The following RAPGEF6 variants were observed in gnomAD, a reference collection of about 807,000 sequenced individuals.
The protein encoded by RAPGEF6 is Rap guanine nucleotide exchange factor 6.
RAPGEF6 carries 56 observed loss-of-function variants against 171.4 expected under a neutral mutation model. That is an observed-to-expected ratio of 0.33 (90% CI 0.26 to 0.41). The LOEUF (loss-of-function observed/expected upper bound fraction) is 0.41. Ranked by LOEUF, RAPGEF6 falls within the 10% of genes least tolerant of loss-of-function variation. RAPGEF6 has a pLI of 1.00. For missense variants in RAPGEF6, 1,674 were observed against 1,921.4 expected (o/e 0.87, Z 2.41); for synonymous variants, 692 against 650.1 (o/e 1.06, Z -0.98).
At chr5:131,533,248 T>A (rs982399681) in intron 6 of RAPGEF6, among the ~76,000 whole-genome samples, 1 of 151,362 alleles carries the variant, frequency 6.6e-6, no homozygotes, top group Non-Finnish European at 1.5e-5. Context: ...GTCAGCAAGC[T>A]AAATTCTTTA....
In RAPGEF6 at chr5:131,426,058, G is replaced by A. The variant is rs993995208; in HGVS notation, c.*1208C>T. Reference sequence around the variant, plus strand: ...ACAGTCACTGAAATTTTAATTAAGAGTGCCATACCCATGAGGCTGGAAAAG... The same window carrying A: ...ACAGTCACTGAAATTTTAATTAAGAATGCCATACCCATGAGGCTGGAAAAG... On this transcript the variant is annotated 3_prime_UTR_variant, in exon 28 of 28. Transcript: ENST00000509018. 2 of 152,024 alleles carry A rather than the reference G, an allele frequency of 1.3e-5. No homozygotes were observed. Among genetic ancestry groups the A allele is most frequent in the African/African-American group, 2.4e-5 (1 of 41,342 alleles). The allele number at this position is 152,024 out of a possible 1,614,324, so 9.4% of individuals were successfully genotyped here.
At chr5:131,430,802 T>C in intron 26 of RAPGEF6, 57 bp downstream of exon 26, 1 of 1,579,526 alleles carries the variant, frequency 6.3e-7, no homozygotes, top group Non-Finnish European at 8.6e-7. Context: ...GATATCCCAA[T>C]GCCATTTTTT....
At chr5:131,441,975 A>G (rs978291574) in intron 23 of RAPGEF6, among the ~76,000 whole-genome samples, 2 of 152,254 alleles carry the variant, frequency 1.3e-5, no homozygotes, top group African/African-American at 4.8e-5. Context: ...TTTAAAGACA[A>G]AAAACAACGT....
In RAPGEF6 at chr5:131,445,493, C is replaced by G. The variant is rs183088853; in HGVS notation, c.3421+990G>C. Among the ~76,000 whole-genome samples the G allele has an allele frequency of 2.2e-3, 324 of 147,332 alleles. 3 individuals are homozygous for G. Among genetic ancestry groups the G allele is most frequent in the East Asian group, 0.015 (76 of 4,994 alleles). On this transcript the variant is annotated intron_variant, in intron 22 of 27. Coordinates refer to ENST00000509018, the MANE Select transcript of RAPGEF6 (RefSeq NM_016340.6). ...TTTATGGGCAAATTTAACTCACTCT[C>G]TGTGTGTGTGTGTGTGTGTGTGTGT...
At chr5:131,553,089 G>A (rs1761022130) in intron 5 of RAPGEF6, among the ~76,000 whole-genome samples, 1 of 152,126 alleles carries the variant, frequency 6.6e-6, no homozygotes, top group Non-Finnish European at 1.5e-5. Flanking sequence ...CCAACTGCCA[G>A]GCTAGCAAAC....
At chr5:131,563,170 A>G (rs1318133243) in intron 4 of RAPGEF6, among the ~76,000 whole-genome samples, 2 of 152,152 alleles carry the variant, frequency 1.3e-5, no homozygotes, top group Admixed American at 1.3e-4. Context: ...GTATTATCAT[A>G]TATGAAAATT....
intron 17 of RAPGEF6, among the ~76,000 whole-genome samples, chr5:131,469,411 TAAATC>T (rs1754595445): frequency 6.6e-6 from 1 of 152,092 alleles, no homozygotes; most frequent in Non-Finnish European, 1.5e-5. Context: ...CTATATGAAA[TAAATC>T]AATTAAGGGT....
intron 1 of RAPGEF6, among the ~76,000 whole-genome samples, chr5:131,606,486 A>G (rs2150018820): frequency 1.3e-5 from 2 of 152,330 alleles, no homozygotes; most frequent in Middle Eastern, 6.8e-3. Context: ...ACAGTGAAAA[A>G]GATATTTAAG....
chr5:131,506,650 T>G (rs1222494519), intron 9 of RAPGEF6, among the ~76,000 whole-genome samples: 1 of 152,158 alleles, frequency 6.6e-6, no homozygotes, highest in Non-Finnish European at 1.5e-5. Flanking sequence ...ACTACACAAC[T>G]TGTGGATTAA....
chr5:131,559,774 A>G (rs549350474), intron 5 of RAPGEF6, among the ~76,000 whole-genome samples: 1 of 151,838 alleles, frequency 6.6e-6, no homozygotes, highest in African/African-American at 2.4e-5. Flanking sequence ...CAGGAGTCCA[A>G]GGCTGCGCTG....
intron 7 of RAPGEF6, among the ~76,000 whole-genome samples, chr5:131,512,555 C>G (rs191683812): frequency 6.6e-6 from 1 of 152,058 alleles, no homozygotes; most frequent in Non-Finnish European, 1.5e-5. Flanking sequence ...GATCTGTTTC[C>G]TAAGACCATG....
intron 24 of RAPGEF6, chr5:131,435,955 A>C: frequency 6.6e-7 from 1 of 1,525,804 alleles, no homozygotes; most frequent in Middle Eastern, 1.7e-4. Flanking sequence ...ACTTCATCAG[A>C]GTGTCTTCCT....
chr5:131,472,712 C>A lies in RAPGEF6; in HGVS notation c.2114G>T (p.Ser705Ile). Reference sequence around the variant, plus strand: ...CCTACAGTGCCTTGTTCCCACAATGCTGTCATCTTGTGATTGGCTTAGGCC... The same window carrying A: ...CCTACAGTGCCTTGTTCCCACAATGATGTCATCTTGTGATTGGCTTAGGCC... The part of the protein sequence containing the change: ...DGGLSQSQDD[S>I]IVGTRHCRHS... The change falls in exon 17 of 28, where the codon AGC (serine) becomes ATC (isoleucine). Residue 705 changes from serine to isoleucine, a missense_variant. Coordinates refer to ENST00000509018, the MANE Select transcript of RAPGEF6 (RefSeq NM_016340.6). The A allele has an allele frequency of 1.2e-6, 2 of 1,612,392 alleles. No homozygotes were observed. Among genetic ancestry groups the A allele is most frequent in the African/African-American group, 2.7e-5 (2 of 74,998 alleles).
intron 18 of RAPGEF6, chr5:131,463,816 A>T: frequency 8.4e-7 from 1 of 1,184,878 alleles, no homozygotes; most frequent in Non-Finnish European, 1.0e-6. Context: ...ATATATGAAG[A>T]TTTGTATCAT....
rs146796132 is a variant in RAPGEF6 at position 131,596,715 on chromosome 5, C to T, written c.198-4249G>A. Reference sequence around the variant, plus strand: ...CAGAAGAATAAGACTAAACTCCTACCTCTCACTATATACAAAAATCAACTC... The same window carrying T: ...CAGAAGAATAAGACTAAACTCCTACTTCTCACTATATACAAAAATCAACTC... On this transcript the variant is annotated intron_variant, in intron 3 of 27. Coordinates refer to ENST00000509018, the MANE Select transcript of RAPGEF6 (RefSeq NM_016340.6). Among the ~76,000 whole-genome samples the T allele has an allele frequency of 2.0e-3, 311 of 152,078 alleles. 4 individuals are homozygous for T. Among genetic ancestry groups the T allele is most frequent in the Non-Finnish European group, 4.3e-4 (29 of 68,004 alleles).
At chr5:131,514,359 A>G (rs1199413114) in intron 7 of RAPGEF6, among the ~76,000 whole-genome samples, 2 of 152,222 alleles carry the variant, frequency 1.3e-5, no homozygotes, top group Admixed American at 6.5e-5. Flanking sequence ...AAGTCACTGC[A>G]TGATACTTCT....
At chr5:131,587,742 GT>G (rs1763340477) in intron 4 of RAPGEF6, among the ~76,000 whole-genome samples, 1 of 152,100 alleles carries the variant, frequency 6.6e-6, no homozygotes, top group Admixed American at 6.5e-5. Context: ...CTTTCCCAAG[GT>G]GAGTCATAGA....
In RAPGEF6 at chr5:131,495,654, G is replaced by T. The variant is rs751866726; in HGVS notation, c.1426C>A (p.Arg476=). ...KIDSLRDKVT[R]IVLLWVNNHF... ...TTATTTACCCATAATAATACAATCC[G>T]TGTCACCTGTGGAAACATAAAAGAG... The change falls in exon 13 of 28, where the codon CGG becomes AGG. Residue 476 remains arginine (R), a synonymous_variant. Coordinates refer to ENST00000509018, the MANE Select transcript of RAPGEF6 (RefSeq NM_016340.6). 1 of 1,611,334 alleles carries T rather than the reference G, an allele frequency of 6.2e-7. No homozygotes were observed. Among genetic ancestry groups the T allele is most frequent in the South Asian group, 1.1e-5 (1 of 90,748 alleles).
chr5:131,583,350 C>G (rs1004884465), intron 4 of RAPGEF6, among the ~76,000 whole-genome samples: 2 of 152,164 alleles, frequency 1.3e-5, no homozygotes, highest in Non-Finnish European at 2.9e-5. Context: ...ACTGACAAAA[C>G]AGACCCTTTG....
Sources: allele counts gnomAD v4.1 joint callset (sites outside exome capture counted in the v4.1 genomes callset), GRCh38; gene constraint gnomAD v4.1.1; transcripts MANE v1.5; gene names NCBI Gene and HGNC (gene_info 2026-07-23, HGNC 2026-07-21).